Variants in MYLK observed in about 807,000 individuals in gnomAD.
The protein encoded by MYLK is myosin light chain kinase, also known as myosin light chain kinase, smooth muscle.
MYLK carries 106 observed loss-of-function variants against 203.4 expected under a neutral mutation model. That is an observed-to-expected ratio of 0.52 (90% CI 0.45 to 0.61). The LOEUF (loss-of-function observed/expected upper bound fraction) is 0.61, where lower values mean the gene tolerates loss of function less well. Among genes scored for constraint, MYLK ranks in the 20% least tolerant of loss-of-function variants. MYLK has a pLI of 0.00. For synonymous variants in MYLK, 867 were observed against 959.5 expected, an observed-to-expected ratio of 0.90 and a Z score of 1.78; for missense variants, 2,072 against 2,442.3, an observed-to-expected ratio of 0.85 and a Z score of 3.20.
chr3:123,669,005 A>T (rs961769001), intron 20 of MYLK, among the ~76,000 whole-genome samples: 1 of 152,218 alleles, frequency 6.6e-6, no homozygotes, highest in Non-Finnish European at 1.5e-5. Context: ...TCTGCAGATG[A>T]AGGGGAAGCG....
intron 4 of MYLK, among the ~76,000 whole-genome samples, chr3:123,784,352 A>G (rs910743727): frequency 3.3e-5 from 5 of 151,708 alleles, no homozygotes; most frequent in Non-Finnish European, 5.9e-5. Context: ...TCTGTGTGCC[A>G]AATACGGCTC....
chr3:123,637,228 G>A (rs1216691658), intron 29 of MYLK, among the ~76,000 whole-genome samples: 3 of 152,140 alleles, frequency 2.0e-5, no homozygotes, highest in Non-Finnish European at 2.9e-5. Flanking sequence ...ATGACCGTCC[G>A]CACCCTGGGG....
Position 123,783,763 on chromosome 3 carries a change from A to G in MYLK, c.165+9914T>C, listed in dbSNP as rs565771642. Among the ~76,000 whole-genome samples the G allele has an allele frequency of 4.6e-5, 7 of 152,270 alleles. No homozygotes were observed. In the South Asian group the frequency reaches 1.4e-3, roughly 32 times the overall value. On this transcript the variant is annotated intron_variant, in intron 4 of 33. Transcript: ENST00000360304. The stretch of plus-strand genomic sequence containing the variant: ...GCAACAGTATTACTTCTCAGCTATA[A>G]CCCTTGACATAATCTTTTTTTCTTT...
Position 123,746,420 on chromosome 3 carries a change from G to A in MYLK, c.373+5911C>T, listed in dbSNP as rs1013559246. Among the ~76,000 whole-genome samples, 4 of 152,162 alleles carry A rather than the reference G, an allele frequency of 2.6e-5. No homozygotes were observed. The East Asian group carries it at 7.7e-4, about 29-fold the overall frequency. On this transcript the variant is annotated intron_variant, in intron 5 of 33. Coordinates refer to ENST00000360304, the MANE Select transcript of MYLK (RefSeq NM_053025.4). ...GTGGAGATGGGAGAAGGAGGTGGAG[G>A]AATACGAGATGGAAAAAGGAGGGAG...
chr3:123,878,613 G>T (rs897753175), intron 1 of MYLK, among the ~76,000 whole-genome samples: 1 of 152,288 alleles, frequency 6.6e-6, no homozygotes, highest in Non-Finnish European at 1.5e-5. Context: ...ATGTCAGGCC[G>T]TTCACCTTCC....
chr3:123,856,875 T>G (rs6773352), intron 2 of MYLK, among the ~76,000 whole-genome samples: 129,893 of 151,776 alleles, frequency 0.86, 55,967 homozygotes, highest in East Asian at 0.96. Context: ...CAAAATGGGA[T>G]AAAATTTTCG....
At chr3:123,797,766 G>A (rs2065041528) in intron 3 of MYLK, among the ~76,000 whole-genome samples, 1 of 152,220 alleles carries the variant, frequency 6.6e-6, no homozygotes, top group African/African-American at 2.4e-5. Flanking sequence ...GCCTCATAAA[G>A]TTGAAGGGAA....
intron 4 of MYLK, among the ~76,000 whole-genome samples, chr3:123,772,798 GAT>G (rs1213346244): frequency 6.6e-6 from 1 of 151,936 alleles, no homozygotes; most frequent in Non-Finnish European, 1.5e-5. Flanking sequence ...AATAAAATGT[GAT>G]ATGTTTCATT....
intron 13 of MYLK, among the ~76,000 whole-genome samples, chr3:123,720,413 A>C (rs59050997): frequency 0.022 from 3,383 of 152,254 alleles, 88 homozygotes; most frequent in African/African-American, 0.075. Flanking sequence ...TGGAGGGAGT[A>C]TCAGAAAACA....
At chr3:123,788,868 G>C (rs1295415045) in intron 4 of MYLK, among the ~76,000 whole-genome samples, 1 of 152,034 alleles carries the variant, frequency 6.6e-6, no homozygotes, top group Non-Finnish European at 1.5e-5. Flanking sequence ...CCTCATTTGG[G>C]CTGTACTTCT....
At chr3:123,638,282 C>G (rs1005668179) in intron 28 of MYLK, 88 bp from the exon 29 acceptor site, 3 of 1,585,600 alleles carry the variant, frequency 1.9e-6, no homozygotes, top group Non-Finnish European at 2.6e-6. Context: ...GTGTTGACCC[C>G]AACCTGGGAG....
intron 2 of MYLK, among the ~76,000 whole-genome samples, chr3:123,871,344 T>G (rs2148710310): frequency 6.6e-6 from 1 of 151,918 alleles, no homozygotes; most frequent in African/African-American, 2.4e-5. Flanking sequence ...AACCAATGAA[T>G]CTGGAAACAA....
At chr3:123,618,812 T>C (rs895136653) in intron 32 of MYLK, 42 bp from the exon 33 acceptor site, 12 of 1,613,076 alleles carry the variant, frequency 7.4e-6, no homozygotes, top group Admixed American at 1.7e-5. Context: ...CTTCACTCGT[T>C]GTTCTCGCCT....
chr3:123,762,009 A>C (rs144741054), intron 4 of MYLK, among the ~76,000 whole-genome samples: 2,731 of 152,228 alleles, frequency 0.018, 81 homozygotes, highest in African/African-American at 0.063. Context: ...CGTGGGCAAC[A>C]AGAGCGAAAC....
At chr3:123,697,119 C>T (rs938584270) in intron 18 of MYLK, among the ~76,000 whole-genome samples, 5 of 152,250 alleles carry the variant, frequency 3.3e-5, no homozygotes, top group Admixed American at 3.3e-4. Context: ...TCTTCTCCTT[C>T]CACATCTATT....
intron 3 of MYLK, 188 bp downstream of exon 3, chr3:123,831,360 A>T: frequency 1.6e-6 from 2 of 1,287,818 alleles, no homozygotes; most frequent in African/African-American, 1.5e-5. Context: ...GCCAAAATCA[A>T]CAGACAATGC....
intron 2 of MYLK, among the ~76,000 whole-genome samples, chr3:123,832,869 C>T (rs530558646): frequency 2.0e-5 from 3 of 152,168 alleles, no homozygotes; most frequent in Non-Finnish European, 4.4e-5. Context: ...CATAGCAGCA[C>T]AGATAGACTA....
At chr3:123,667,603 CAA>C (rs56812925) in intron 20 of MYLK, among the ~76,000 whole-genome samples, 16 of 114,366 alleles carry the variant, frequency 1.4e-4, no homozygotes, top group Non-Finnish European at 2.1e-4. Flanking sequence ...GACTCTGTCT[CAA>C]AAAAAAAAAA....
intron 4 of MYLK, among the ~76,000 whole-genome samples, chr3:123,755,834 T>C (rs1443168589): frequency 1.3e-5 from 2 of 152,196 alleles, no homozygotes; most frequent in African/African-American, 2.4e-5. Flanking sequence ...GGCTGCCATG[T>C]ATAGACTCTT....
Sources: gnomAD v4.1 joint callset for allele counts (sites outside exome capture counted in the v4.1 genomes callset) on GRCh38, gnomAD v4.1.1 for gene constraint, MANE v1.5 for transcripts, NCBI Gene and HGNC (gene_info 2026-07-23, HGNC 2026-07-21) for gene names.